The following NLGN3 variants were observed in gnomAD, a reference collection of about 807,000 sequenced individuals.
The protein encoded by NLGN3 is neuroligin-3.
Under a neutral mutation model 42.9 loss-of-function variants are expected in NLGN3, and 11 were observed. The observed-to-expected ratio is 0.26, with a 90% CI of 0.16 to 0.42. The LOEUF is 0.42. Ranked by LOEUF, NLGN3 falls within the 10% of genes least tolerant of loss-of-function variation. The pLI is 1.00. For missense variants in NLGN3, 374 were observed against 733.8 expected (o/e 0.51, Z 5.67); for synonymous variants, 279 against 312.7 (o/e 0.89, Z 1.14).
Position 71,153,588 on chromosome X carries a change from C to T in NLGN3, c.577+52C>T, listed in dbSNP as rs180681274. 4,226 of 1,061,284 alleles carry T rather than the reference C, an allele frequency of 4.0e-3. 102 individuals carry two copies. The East Asian group carries it at 0.083, about 21-fold the overall frequency. 87.5% of individuals were successfully genotyped at this position (1,061,284 alleles called of 1,213,427 possible). ...GCTGGTGCATGGCACAGAGCCCCTC[C>T]CCTTCTCGATGGGGAGAAGCCCCGT... On this transcript the variant is annotated intron_variant, in intron 4 of 7. Transcript: ENST00000358741.
intron 1 of NLGN3, 96 bp from the exon 2 acceptor site, chrX:71,147,454 A>G (rs1190587844): frequency 5.1e-6 from 2 of 395,348 alleles, no homozygotes; most frequent in East Asian, 8.7e-5. Context: ...TCTCCTACCT[A>G]TAAGAGAATA....
At chrX:71,174,525 C>T (rs1016441308), downstream of NLGN3, among the ~76,000 whole-genome samples, 1 of 111,874 alleles carries the variant, frequency 8.9e-6, no homozygotes, top group African/African-American at 3.2e-5. Flanking sequence ...CAAAAGGAAG[C>T]GACGATCACT....
chrX:71,166,639 C>T (rs896437547), intron 6 of NLGN3, among the ~76,000 whole-genome samples: 1 of 111,685 alleles, frequency 9.0e-6, no homozygotes, highest in Non-Finnish European at 1.9e-5. Context: ...GTGCAAGTGC[C>T]AGCTCCCTGG....
intron 5 of NLGN3, among the ~76,000 whole-genome samples, chrX:71,155,768 T>C (rs1053419322): frequency 9.1e-6 from 1 of 110,294 alleles, no homozygotes; most frequent in African/African-American, 3.3e-5. Flanking sequence ...GCCACACACC[T>C]ATTTACCTTC....
intron 6 of NLGN3, among the ~76,000 whole-genome samples, chrX:71,165,859 TTCTC>T (rs763944582): frequency 8.1e-5 from 9 of 111,523 alleles, no homozygotes; most frequent in Admixed American, 1.9e-4. Context: ...TAAAGATCTG[TTCTC>T]TCTGTTTTTC....
chrX:71,160,306 T>C (rs1347051514), intron 5 of NLGN3, among the ~76,000 whole-genome samples: 2 of 105,283 alleles, frequency 1.9e-5, no homozygotes, highest in African/African-American at 7.0e-5. Context: ...AACCTCCGCC[T>C]CCCCGGTTAA....
downstream of NLGN3, chrX:71,171,687 T>A: frequency 1.5e-5 from 11 of 746,970 alleles, no homozygotes; most frequent in Non-Finnish European, 1.7e-5. Flanking sequence ...TGGCCTTGAG[T>A]GACTGACAGA....
intron 6 of NLGN3, among the ~76,000 whole-genome samples, chrX:71,164,886 C>T (rs948287127): frequency 9.0e-6 from 1 of 110,579 alleles, no homozygotes; most frequent in Non-Finnish European, 1.9e-5. Context: ...TGCAAGCTGC[C>T]GGGGAGATTC....
chrX:71,168,024 T>C (rs2092452568), intron 7 of NLGN3, among the ~76,000 whole-genome samples: 1 of 110,799 alleles, frequency 9.0e-6, no homozygotes, highest in African/African-American at 3.3e-5. Flanking sequence ...GCATCGGGAC[T>C]AGGAAGGAAT....
chrX:71,165,679 C>T (rs986654915), intron 6 of NLGN3, among the ~76,000 whole-genome samples: 1 of 110,876 alleles, frequency 9.0e-6, no homozygotes, highest in Non-Finnish European at 1.9e-5. Flanking sequence ...GTGCATGCTA[C>T]CATGCCCGGC....
rs2092468755 is a variant in NLGN3 at position 71,170,658 on chromosome X, C to T, written c.*561C>T. 1 of 768,567 alleles carries T rather than the reference C, an allele frequency of 1.3e-6. No homozygotes were observed. Among genetic ancestry groups the T allele is most frequent in the Admixed American group, 7.3e-5 (1 of 13,778 alleles). The allele number at this position is 768,567 out of a possible 1,213,427, so 63.3% of individuals were successfully genotyped here. Reference sequence around the variant, plus strand: ...AAGGGAGGGCTTCAGGCCCGAAGGTCTCTCTGGCTCTAGGACCCCCAGTGC... The same window carrying T: ...AAGGGAGGGCTTCAGGCCCGAAGGTTTCTCTGGCTCTAGGACCCCCAGTGC... On this transcript the variant is annotated 3_prime_UTR_variant, in exon 8 of 8. Transcript: ENST00000358741.
intron 4 of NLGN3, 40 bp from the exon 5 acceptor site, chrX:71,155,174 G>T: frequency 8.3e-7 from 1 of 1,206,898 alleles, no homozygotes; most frequent in South Asian, 1.8e-5. Context: ...GGGAGCAAGG[G>T]CATCCCACCC....
chrX:71,161,144 C>A (rs1218403869), intron 5 of NLGN3, among the ~76,000 whole-genome samples: 1 of 90,264 alleles, frequency 1.1e-5, no homozygotes, highest in African/African-American at 4.1e-5. Flanking sequence ...GATGGAGTTT[C>A]ACTCTTGTTG....
Position 71,169,646 on chromosome X carries a change from A to G in NLGN3, c.2096A>G (p.Glu699Gly). 4 of 1,212,087 alleles carry G rather than the reference A, an allele frequency of 3.3e-6. No individual in the cohort carries two copies. The highest frequency in any genetic ancestry group is 3.3e-6 in the Non-Finnish European group (3 of 895,534). ...GDQDAGPLLVENPRDYSTELS... is the reference protein window; with the variant it reads ...GDQDAGPLLVGNPRDYSTELS... ...CAGGATGCAGGGCCACTCCTGGTGG[A>G]GAACCCTCGTGACTACTCCACTGAA... The change falls in exon 8 of 8, where the codon GAG becomes GGG. Residue 699 changes from glutamate to glycine, a missense_variant. Transcript: ENST00000358741.
intron 1 of NLGN3, among the ~76,000 whole-genome samples, chrX:71,146,182 C>CACACAG (rs2092369012): frequency 1.5e-5 from 1 of 66,018 alleles, no homozygotes; most frequent in Non-Finnish European, 3.2e-5. Context: ...GACACACACA[C>CACACAG]ACACACACAC....
chrX:71,153,400 G>C lies in NLGN3; in HGVS notation c.518-77G>C, dbSNP rs7062937. 6 of 1,045,030 alleles carry C rather than the reference G, an allele frequency of 5.7e-6. No homozygotes were observed. In the Admixed American group the frequency reaches 1.5e-4, roughly 27 times the overall value. 86.1% of individuals were successfully genotyped at this position (1,045,030 alleles called of 1,213,427 possible). On this transcript the variant is annotated intron_variant, in intron 3 of 7. Transcript: ENST00000358741. The stretch of plus-strand genomic sequence containing the variant: ...AGCTGGCTTGCTGGGCCACACTGCA[G>C]TCATGCTGTTTTTGAATTCTCTCTC...
chrX:71,148,039 G>A lies in NLGN3; in HGVS notation c.290G>A (p.Arg97Gln). ...CCACCCCCATCCTGGTCGGGCATCC[G>A]GAACGCCACACACTTTCCCCCAGTG... ...PEPPPSWSGI[R>Q]NATHFPPVCP... Residue 97 changes from arginine to glutamine, a missense_variant, in exon 2 of 8, where the codon CGG becomes CAG. Physicochemically the swap from Arg to Gln is conservative, Grantham distance 43. Around this residue, in one of 6 missense-constraint regions of NLGN3, gnomAD observed 109 missense variants for 173.3 expected, o/e 0.63. Coordinates refer to ENST00000358741, the MANE Select transcript of NLGN3 (RefSeq NM_181303.2). 2.5e-6 allele frequency: 3 copies of A among 1,209,392 alleles called. No individual in the cohort carries two copies. The highest frequency in any genetic ancestry group is 3.0e-5 in the East Asian group (1 of 33,768).
rs755254119 is a variant in NLGN3 at position 71,148,139 on chromosome X, C to T, written c.390C>T (p.Val130=). The T allele has an allele frequency of 9.1e-6, 11 of 1,210,918 alleles. No individual in the cohort carries two copies. The highest frequency in any genetic ancestry group is 1.8e-5 in the South Asian group (1 of 56,946). The part of the protein sequence containing the change: ...PVWFTANLDI[V]ATYIQEPNED... ...GGTTCACTGCCAACTTGGATATCGT[C>T]GCTACTTACATCCAGGAGCCCAACG... The change falls in exon 2 of 8, where the codon GTC becomes GTT. Residue 130 remains valine (V), a synonymous_variant. Transcript: ENST00000358741.
At chrX:71,161,549 C>T (rs1317668973) in intron 5 of NLGN3, among the ~76,000 whole-genome samples, 1 of 108,456 alleles carries the variant, frequency 9.2e-6, no homozygotes, top group East Asian at 3.0e-4. Context: ...ATCCTCCATC[C>T]AATCACCTGA....
Sources: allele counts gnomAD v4.1 joint callset (sites outside exome capture counted in the v4.1 genomes callset), GRCh38; gene constraint gnomAD v4.1.1; regional missense constraint gnomAD v4.1.1; transcripts MANE v1.5; gene names NCBI Gene and HGNC (gene_info 2026-07-23, HGNC 2026-07-21).